The following JMJD1C variants were observed in gnomAD, a reference collection of about 807,000 sequenced individuals.
The protein encoded by JMJD1C is jumonji domain-containing protein 1C.
In JMJD1C, 31 loss-of-function variants were observed where a neutral mutation model predicts 245.3. The ratio of observed to expected loss-of-function variants is 0.13; its 90% CI spans 0.09 to 0.17. The LOEUF (loss-of-function observed/expected upper bound fraction) is 0.17. Among genes scored for constraint, JMJD1C ranks in the 10% least tolerant of loss-of-function variants. JMJD1C has a pLI of 1.00. For synonymous variants in JMJD1C, 1,057 were observed against 1,017.4 expected, an observed-to-expected ratio of 1.04 and a Z score of -0.74; for missense variants, 2,691 against 3,000.2, an observed-to-expected ratio of 0.90 and a Z score of 2.41.
At chr10:63,427,835 A>T in intron 1 of JMJD1C, 1 of 1,034,052 alleles carries the variant, frequency 9.7e-7, no homozygotes, top group Non-Finnish European at 1.5e-6. Flanking sequence ...ACACTTGTTG[A>T]GACAGCCAAG....
intron 2 of JMJD1C, among the ~76,000 whole-genome samples, chr10:63,281,458 CTTTTTTTTTTTTTTTTT>C (rs71025144): frequency 1.2e-4 from 8 of 65,350 alleles, no homozygotes; most frequent in Admixed American, 2.3e-4. Context: ...TGCGCCTGGC[CTTTTTTTTTTTTTTTTT>C]TTTTTTTTTT....
intron 20 of JMJD1C, 137 bp downstream of exon 20, chr10:63,185,426 C>T (rs555817137): frequency 2.7e-5 from 18 of 665,356 alleles, no homozygotes; most frequent in Admixed American, 1.8e-4. Context: ...GCCACTATGA[C>T]GCTCAGCCTC....
chr10:63,399,474 C>A (rs1948718302), intron 1 of JMJD1C, among the ~76,000 whole-genome samples: 1 of 152,158 alleles, frequency 6.6e-6, no homozygotes, highest in South Asian at 2.1e-4. Flanking sequence ...AGTATACTGA[C>A]ACTTTCAAAT....
intron 3 of JMJD1C, among the ~76,000 whole-genome samples, chr10:63,231,443 G>A (rs971300495): frequency 1.3e-5 from 2 of 152,152 alleles, no homozygotes; most frequent in African/African-American, 4.8e-5. Context: ...GAGCAAGCCC[G>A]AGATCTGTAT....
intron 2 of JMJD1C, among the ~76,000 whole-genome samples, chr10:63,281,267 T>C (rs1330352226): frequency 6.6e-6 from 1 of 150,596 alleles, no homozygotes; most frequent in Non-Finnish European, 1.5e-5. Context: ...CCCTAGTAGC[T>C]GAGATTACAG....
At chr10:63,476,060 A>G (rs1017892811) in intron 1 of JMJD1C, among the ~76,000 whole-genome samples, 3 of 151,704 alleles carry the variant, frequency 2.0e-5, no homozygotes, top group African/African-American at 7.3e-5. Flanking sequence ...AATACAAAAA[A>G]TTAGCCAGGC....
At chr10:63,187,516 C>T (rs1844268973) in intron 18 of JMJD1C, among the ~76,000 whole-genome samples, 1 of 152,150 alleles carries the variant, frequency 6.6e-6, no homozygotes, top group Admixed American at 6.5e-5. Context: ...TGGCTCACCA[C>T]AGCCTGGACT....
At chr10:63,273,523 T>TA (rs1383290371) in intron 2 of JMJD1C, among the ~76,000 whole-genome samples, 1 of 152,242 alleles carries the variant, frequency 6.6e-6, no homozygotes, top group East Asian at 1.9e-4. Flanking sequence ...CCTGTTCTTA[T>TA]AACTCATTAG....
intron 9 of JMJD1C, 112 bp downstream of exon 9, chr10:63,208,951 G>A: frequency 8.9e-7 from 1 of 1,123,136 alleles, no homozygotes; most frequent in South Asian, 1.6e-5. Context: ...TATCAAAACA[G>A]AACAAAGCCT....
chr10:63,296,626 C>T (rs1163656991), intron 2 of JMJD1C, among the ~76,000 whole-genome samples: 1 of 152,114 alleles, frequency 6.6e-6, no homozygotes, highest in Non-Finnish European at 1.5e-5. Context: ...TGGAAATGTG[C>T]GTATAGGTGA....
chr10:63,473,583 T>C (rs570178025), intron 1 of JMJD1C, among the ~76,000 whole-genome samples: 3 of 152,152 alleles, frequency 2.0e-5, no homozygotes, highest in Non-Finnish European at 2.9e-5. Context: ...AGGTCACTTA[T>C]TGCATCGAAA....
At chr10:63,211,182 T>C (rs1429487825) in intron 8 of JMJD1C, among the ~76,000 whole-genome samples, 1 of 152,088 alleles carries the variant, frequency 6.6e-6, no homozygotes, top group Non-Finnish European at 1.5e-5. Context: ...ACCCATCACA[T>C]GGTTGGGCAT....
chr10:63,461,269 T>C (rs1200476089), intron 1 of JMJD1C, among the ~76,000 whole-genome samples: 1 of 152,222 alleles, frequency 6.6e-6, no homozygotes, highest in Non-Finnish European at 1.5e-5. Context: ...TTTGCTATAG[T>C]AAACCTATCA....
chr10:63,211,612 A>G (rs1443209282), intron 8 of JMJD1C, among the ~76,000 whole-genome samples: 4 of 152,018 alleles, frequency 2.6e-5, no homozygotes, highest in Non-Finnish European at 4.4e-5. Flanking sequence ...CACTAATGTT[A>G]TATGTAAAAA....
intron 3 of JMJD1C, among the ~76,000 whole-genome samples, chr10:63,258,132 T>C (rs990161649): frequency 6.6e-6 from 1 of 152,238 alleles, no homozygotes; most frequent in Non-Finnish European, 1.5e-5. Context: ...TTCTGTACTA[T>C]AAACTCTTTA....
At chr10:63,458,223 A>T (rs1473852313) in intron 1 of JMJD1C, among the ~76,000 whole-genome samples, 1 of 152,096 alleles carries the variant, frequency 6.6e-6, no homozygotes, top group South Asian at 2.1e-4. Context: ...CATGGCTCAC[A>T]CCTCTAATCC....
intron 5 of JMJD1C, 37 bp downstream of exon 5, chr10:63,217,170 T>C (rs753153999): frequency 6.3e-7 from 1 of 1,578,668 alleles, no homozygotes; most frequent in Non-Finnish European, 8.6e-7. Flanking sequence ...ATTTGAACTT[T>C]TAAAATCTCT....
At chr10:63,315,847 A>AC (rs1043897358) in intron 2 of JMJD1C, among the ~76,000 whole-genome samples, 3 of 151,186 alleles carry the variant, frequency 2.0e-5, no homozygotes, top group African/African-American at 7.3e-5. Context: ...TCAAAAAAAA[A>AC]AAAAAAACAC....
intron 3 of JMJD1C, among the ~76,000 whole-genome samples, chr10:63,224,069 T>C (rs2133322049): frequency 6.6e-6 from 1 of 152,252 alleles, no homozygotes; most frequent in East Asian, 1.9e-4. Context: ...TTTCAACAGG[T>C]TAAAATAATG....
Sources: gnomAD v4.1 joint callset for allele counts (sites outside exome capture counted in the v4.1 genomes callset) on GRCh38, gnomAD v4.1.1 for gene constraint, MANE v1.5 for transcripts, NCBI Gene and HGNC (gene_info 2026-07-23, HGNC 2026-07-21) for gene names.